Variants in GRAMD1B observed in about 807,000 individuals in gnomAD.
GRAMD1B encodes the protein protein Aster-B.
A neutral mutation model predicts 99.7 loss-of-function variants in GRAMD1B; 37 were observed. That is an observed-to-expected ratio of 0.37 (90% CI 0.29 to 0.49). The LOEUF (loss-of-function observed/expected upper bound fraction) is 0.49. Among genes scored for constraint, GRAMD1B ranks in the 20% least tolerant of loss-of-function variants. GRAMD1B has a pLI of 0.98. For missense variants in GRAMD1B, 888 were observed against 1,009.2 expected (o/e 0.88, Z 1.63); for synonymous variants, 427 against 387.6 (o/e 1.10, Z -1.19).
At chr11:123,523,557 C>T (rs4936820) in intron 2 of GRAMD1B, among the ~76,000 whole-genome samples, 24,851 of 150,806 alleles carry the variant, frequency 0.16, 2,300 homozygotes, top group East Asian at 0.44. Context: ...AAAAAAACAG[C>T]TAGAGCAAAA....
intron 1 of GRAMD1B, among the ~76,000 whole-genome samples, chr11:123,360,560 T>G (rs1274551380): frequency 6.6e-6 from 1 of 152,166 alleles, no homozygotes; most frequent in Non-Finnish European, 1.5e-5. Flanking sequence ...TGTTTGGTTT[T>G]GGAGATTTGG....
rs79827452 is a variant in GRAMD1B at position 123,450,394 on chromosome 11, A to G, written c.374+19228A>G. Among the ~76,000 whole-genome samples, 16 of 152,274 alleles carry G rather than the reference A, an allele frequency of 1.1e-4. No homozygotes were observed. The East Asian group carries it at 2.5e-3, about 24-fold the overall frequency. ...TTTTCCCCAACTAACTAATCCAACA[A>G]ACATTTATTGAACATACACTACATG... On this transcript the variant is annotated intron_variant, in intron 1 of 19. Coordinates refer to ENST00000635736, the MANE Select transcript of GRAMD1B (RefSeq NM_001387025.1).
intron 2 of GRAMD1B, among the ~76,000 whole-genome samples, chr11:123,504,822 C>T (rs1195527463): frequency 9.2e-5 from 14 of 152,150 alleles, no homozygotes; most frequent in African/African-American, 3.1e-4. Context: ...GCTGGAATCA[C>T]AGGCGTGCAC....
At chr11:123,561,155 G>C (rs1230658305) in intron 2 of GRAMD1B, among the ~76,000 whole-genome samples, 1 of 152,208 alleles carries the variant, frequency 6.6e-6, no homozygotes, top group Non-Finnish European at 1.5e-5. Context: ...CTCTAACTTG[G>C]AGAAAGGAGG....
chr11:123,497,882 T>C (rs911255978), intron 2 of GRAMD1B, among the ~76,000 whole-genome samples: 1 of 121,720 alleles, frequency 8.2e-6, no homozygotes, highest in African/African-American at 3.4e-5. Context: ...GCCTGGGCGG[T>C]AAAGCTAGAA....
intron 1 of GRAMD1B, among the ~76,000 whole-genome samples, chr11:123,467,824 TCC>T (rs1314054190): frequency 1.2e-4 from 11 of 90,328 alleles, no homozygotes; most frequent in South Asian, 5.9e-4. Context: ...TTCTTTTCCC[TCC>T]CTCCCTCCCT....
At chr11:123,490,671 A>C (rs556763886) in intron 2 of GRAMD1B, among the ~76,000 whole-genome samples, 44 of 152,342 alleles carry the variant, frequency 2.9e-4, no homozygotes, top group African/African-American at 1.0e-3. Flanking sequence ...AATTGGGTAC[A>C]TATGGGTGTG....
At chr11:123,480,966 G>T (rs1035799720) in intron 2 of GRAMD1B, 73 bp downstream of exon 2, 5 of 398,258 alleles carry the variant, frequency 1.3e-5, no homozygotes, top group Non-Finnish European at 2.2e-5. Context: ...GAGGAAGATT[G>T]TGCCTCTGCT....
In GRAMD1B at chr11:123,430,967, G is replaced by C. The variant is rs1009239394; in HGVS notation, c.175G>C (p.Gly59Arg). The C allele has an allele frequency of 1.1e-5, 8 of 702,694 alleles. No individual in the cohort carries two copies. Among genetic ancestry groups the C allele is most frequent in the Admixed American group, 2.0e-5 (1 of 49,988 alleles). The allele number at this position is 702,694 out of a possible 1,614,324, so 43.5% of individuals were successfully genotyped here. A position where few individuals can be genotyped will look rare whatever the true frequency, so the allele number is the denominator to read the frequency against. Residue 59 changes from glycine (G) to arginine (R), a missense_variant, in exon 1 of 20, where the codon GGG becomes CGG. This residue lies in a region of GRAMD1B where 233 missense variants were observed against 154.6 expected (regional missense o/e 1.51). Transcript: ENST00000635736. ...KNVQEQSLEA[G>R]LARDLPAVLA... The stretch of plus-strand genomic sequence containing the variant: ...CGTACAGGAGCAGAGCCTGGAGGCC[G>C]GGCTGGCCCGGGACCTGCCCGCCGT...
intron 4 of GRAMD1B, among the ~76,000 whole-genome samples, chr11:123,589,799 T>C (rs974352950): frequency 6.6e-6 from 1 of 152,020 alleles, no homozygotes; most frequent in Non-Finnish European, 1.5e-5. Context: ...CTGGGCCATT[T>C]TGAAGTACAG....
chr11:123,368,555 C>T (rs1437833574), intron 1 of GRAMD1B, among the ~76,000 whole-genome samples: 1 of 151,466 alleles, frequency 6.6e-6, no homozygotes, highest in African/African-American at 2.4e-5. Context: ...TGGTGTGTGC[C>T]TGTAATCCCA....
intron 1 of GRAMD1B, among the ~76,000 whole-genome samples, chr11:123,388,173 G>A (rs1947141787): frequency 6.6e-6 from 1 of 151,350 alleles, no homozygotes. Context: ...GTATGGAAAG[G>A]GGGAAAAATA....
rs1055387484 is a variant in GRAMD1B at position 123,560,070 on chromosome 11, C to T, written c.453-17297C>T. Among the ~76,000 whole-genome samples the T allele has an allele frequency of 3.3e-5, 5 of 150,884 alleles. No homozygotes were observed. The South Asian group carries it at 6.3e-4, about 19-fold the overall frequency. ...TTGAGGGTGAAGAGGAAATAACCCC[C>T]CCCCCCGCAGCCCCAGCGGCTCTGT... On this transcript the variant is annotated intron_variant, in intron 2 of 19. Coordinates refer to ENST00000635736, the MANE Select transcript of GRAMD1B (RefSeq NM_001387025.1).
At chr11:123,463,873 T>A (rs1336784331) in intron 1 of GRAMD1B, among the ~76,000 whole-genome samples, 2 of 152,196 alleles carry the variant, frequency 1.3e-5, no homozygotes, top group Non-Finnish European at 2.9e-5. Flanking sequence ...TGTAAAGGCC[T>A]CAGGAAGAGC....
At chr11:123,460,498 G>C (rs1189629116) in intron 1 of GRAMD1B, 1 of 152,246 alleles carries the variant, frequency 6.6e-6, no homozygotes, top group Non-Finnish European at 1.5e-5. Context: ...CCTAGACACC[G>C]TGACTCCAGC....
intron 1 of GRAMD1B, among the ~76,000 whole-genome samples, chr11:123,368,679 C>CAAAAAAAAAAAAAAAAAAAAAAAAA (rs58877377): frequency 7.7e-5 from 6 of 78,028 alleles, no homozygotes; most frequent in East Asian, 4.4e-4. Flanking sequence ...GACTCTGTCT[C>CAAAAAAAAAAAAAAAAAAAAAAAAA]AAAAAAAAAA....
At chr11:123,485,825 C>T (rs927728863) in intron 2 of GRAMD1B, among the ~76,000 whole-genome samples, 9 of 149,492 alleles carry the variant, frequency 6.0e-5, no homozygotes, top group Non-Finnish European at 1.3e-4. Context: ...AGAGATTCTT[C>T]TGCCTCAGCC....
At chr11:123,542,512 G>C (rs1397521945) in intron 2 of GRAMD1B, among the ~76,000 whole-genome samples, 1 of 152,220 alleles carries the variant, frequency 6.6e-6, no homozygotes, top group Non-Finnish European at 1.5e-5. Context: ...TGTGCTCTGG[G>C]AGAATTTATC....
At chr11:123,527,134 A>G (rs1156877993) in intron 2 of GRAMD1B, among the ~76,000 whole-genome samples, 2 of 152,164 alleles carry the variant, frequency 1.3e-5, no homozygotes, top group Admixed American at 6.5e-5. Flanking sequence ...GAGAGCTCCC[A>G]GCAAGGATGA....
Sources: allele counts gnomAD v4.1 joint callset (sites outside exome capture counted in the v4.1 genomes callset), GRCh38; gene constraint gnomAD v4.1.1; regional missense constraint gnomAD v4.1.1; transcripts MANE v1.5; gene names NCBI Gene and HGNC (gene_info 2026-07-23, HGNC 2026-07-21).